Variants in FBXL7 observed in about 807,000 individuals in gnomAD.
FBXL7 encodes the protein F-box/LRR-repeat protein 7.
FBXL7 carries 12 observed loss-of-function variants against 38.3 expected under a neutral mutation model. The ratio of observed to expected loss-of-function variants is 0.31; its 90% confidence interval spans 0.20 to 0.51. The LOEUF (loss-of-function observed/expected upper bound fraction) is 0.51. Among genes scored for constraint, FBXL7 ranks in the 20% least tolerant of loss-of-function variants. The pLI is 0.98. For missense variants in FBXL7, 567 were observed against 676.4 expected, an observed-to-expected ratio of 0.84 and a Z score of 1.79; for synonymous variants, 297 against 300.9, an observed-to-expected ratio of 0.99 and a Z score of 0.13.
chr5:15,634,093 T>C (rs1048052148), intron 2 of FBXL7, among the ~76,000 whole-genome samples: 4 of 151,898 alleles, frequency 2.6e-5, no homozygotes, highest in African/African-American at 9.7e-5. Context: ...GGCAAAGATA[T>C]TATGTAATCT....
At chr5:15,588,932 C>A (rs1319520044) in intron 1 of FBXL7, among the ~76,000 whole-genome samples, 1 of 151,958 alleles carries the variant, frequency 6.6e-6, no homozygotes, top group Non-Finnish European at 1.5e-5. Context: ...TTTTGTGTTC[C>A]TTCTAACACA....
At chr5:15,669,008 T>TG (rs1742373981) in intron 2 of FBXL7, among the ~76,000 whole-genome samples, 1 of 152,136 alleles carries the variant, frequency 6.6e-6, no homozygotes, top group South Asian at 2.1e-4. Context: ...AATAAATATA[T>TG]GGCCTTATTG....
chr5:15,681,062 G>C (rs868683331), intron 2 of FBXL7, among the ~76,000 whole-genome samples: 4 of 152,246 alleles, frequency 2.6e-5, no homozygotes, highest in Middle Eastern at 3.4e-3. Flanking sequence ...TAACATTTAA[G>C]AACAGATATG....
intron 2 of FBXL7, among the ~76,000 whole-genome samples, chr5:15,895,834 C>T (rs1275813016): frequency 2.0e-5 from 3 of 150,342 alleles, no homozygotes; most frequent in Non-Finnish European, 4.4e-5. Context: ...TTAGTAGAGA[C>T]GGGGTTTCAC....
intron 1 of FBXL7, among the ~76,000 whole-genome samples, chr5:15,503,122 CCT>C (rs1736543792): frequency 6.6e-6 from 1 of 152,106 alleles, no homozygotes; most frequent in Admixed American, 6.5e-5. Context: ...GGCTTATGTA[CCT>C]GTAACAATAG....
intron 2 of FBXL7, among the ~76,000 whole-genome samples, chr5:15,795,060 A>G (rs999157903): frequency 6.6e-6 from 1 of 152,242 alleles, no homozygotes; most frequent in African/African-American, 2.4e-5. Flanking sequence ...AAGCTCAGCC[A>G]GAGGCAGCCT....
At chr5:15,754,581 C>T (rs900072276) in intron 2 of FBXL7, among the ~76,000 whole-genome samples, 1 of 152,174 alleles carries the variant, frequency 6.6e-6, no homozygotes, top group Non-Finnish European at 1.5e-5. Flanking sequence ...CACCGGGCAA[C>T]CAATAAATGC....
chr5:15,510,250 G>T (rs1017841456), intron 1 of FBXL7, among the ~76,000 whole-genome samples: 3 of 152,198 alleles, frequency 2.0e-5, no homozygotes, highest in Admixed American at 6.5e-5. Flanking sequence ...TTCCTTTGCT[G>T]CAGTTTCTGT....
chr5:15,524,013 GT>G (rs1370617892), intron 1 of FBXL7, among the ~76,000 whole-genome samples: 1 of 152,186 alleles, frequency 6.6e-6, no homozygotes, highest in Non-Finnish European at 1.5e-5. Flanking sequence ...GTTAATTTGG[GT>G]GTTAGGGGAG....
At chr5:15,621,247 T>A (rs1355455370) in intron 2 of FBXL7, among the ~76,000 whole-genome samples, 3 of 152,162 alleles carry the variant, frequency 2.0e-5, no homozygotes, top group Non-Finnish European at 4.4e-5. Context: ...CCATTGTATT[T>A]CTTGTGACAG....
At chr5:15,621,696 A>T (rs1179803878) in intron 2 of FBXL7, among the ~76,000 whole-genome samples, 1 of 152,214 alleles carries the variant, frequency 6.6e-6, no homozygotes, top group East Asian at 1.9e-4. Flanking sequence ...GTCAGTTTAA[A>T]GGTCAAATTT....
chr5:15,763,765 A>G (rs921761049), intron 2 of FBXL7, among the ~76,000 whole-genome samples: 1 of 152,220 alleles, frequency 6.6e-6, no homozygotes, highest in African/African-American at 2.4e-5. Flanking sequence ...TGTTTTGGGC[A>G]GAGTTATCCA....
chr5:15,546,098 A>G (rs1737884578), intron 1 of FBXL7, among the ~76,000 whole-genome samples: 1 of 152,270 alleles, frequency 6.6e-6, no homozygotes, highest in Non-Finnish European at 1.5e-5. Flanking sequence ...ATTAAATGAT[A>G]CATATTATAA....
chr5:15,654,228 C>T (rs1448182366), intron 2 of FBXL7, among the ~76,000 whole-genome samples: 1 of 152,120 alleles, frequency 6.6e-6, no homozygotes, highest in Admixed American at 6.5e-5. Context: ...AATAGTTCTT[C>T]AAATCAGGAC....
intron 1 of FBXL7, among the ~76,000 whole-genome samples, chr5:15,608,924 T>C (rs1740126155): frequency 6.6e-6 from 1 of 152,234 alleles, no homozygotes; most frequent in African/African-American, 2.4e-5. Flanking sequence ...GATACCCATT[T>C]ACAGAAGGTG....
chr5:15,932,347 A>C (rs763896293), intron 3 of FBXL7, among the ~76,000 whole-genome samples: 10 of 152,168 alleles, frequency 6.6e-5, no homozygotes, highest in Non-Finnish European at 1.5e-4. Context: ...GGAAGTCAGC[A>C]GTTGTTCTTC....
intron 2 of FBXL7, among the ~76,000 whole-genome samples, chr5:15,677,485 A>G (rs902971476): frequency 5.3e-5 from 8 of 151,764 alleles, no homozygotes; most frequent in African/African-American, 1.9e-4. Context: ...AGAGAGAGAG[A>G]GAGAGAAAGA....
chr5:15,847,948 C>T (rs547318350), intron 2 of FBXL7, among the ~76,000 whole-genome samples: 39 of 152,136 alleles, frequency 2.6e-4, no homozygotes, highest in Non-Finnish European at 3.5e-4. Flanking sequence ...TGAAAGGGGA[C>T]GCTTAGCACT....
intron 3 of FBXL7, among the ~76,000 whole-genome samples, chr5:15,932,178 TA>T: frequency 6.6e-6 from 1 of 152,300 alleles, no homozygotes; most frequent in Admixed American, 6.5e-5. Flanking sequence ...GTGCAACAGT[TA>T]AAAATTCCTC....
Sources: gnomAD v4.1 joint callset for allele counts (sites outside exome capture counted in the v4.1 genomes callset) on GRCh38, gnomAD v4.1.1 for gene constraint, MANE v1.5 for transcripts, NCBI Gene and HGNC (gene_info 2026-07-23, HGNC 2026-07-21) for gene names.